Variants in FANCD2 observed in about 807,000 individuals in gnomAD.
The protein encoded by FANCD2 is FA complementation group D2.
Under a neutral mutation model 192.3 loss-of-function variants are expected in FANCD2, and 131 were observed. The observed-to-expected ratio is 0.68, with a 90% CI of 0.59 to 0.79. The LOEUF is 0.79. Among genes scored for constraint, FANCD2 ranks in the 30% least tolerant of loss-of-function variants. The pLI is 0.00. For missense variants in FANCD2, 1,508 were observed against 1,701.6 expected (o/e 0.89, Z 2.00); for synonymous variants, 524 against 612.5 (o/e 0.86, Z 2.13).
chr3:10,039,544 G>A (rs922238847), intron 8 of FANCD2, among the ~76,000 whole-genome samples, 177 bp from the exon 9 acceptor site: 6 of 152,042 alleles, frequency 3.9e-5, no homozygotes, highest in East Asian at 1.9e-4. Context: ...GTTTAAATAC[G>A]AAGAGTAGAT....
intron 26 of FANCD2, among the ~76,000 whole-genome samples, chr3:10,069,791 T>G (rs1693074691): frequency 3.9e-5 from 6 of 152,090 alleles, no homozygotes; most frequent in Admixed American, 3.9e-4. Flanking sequence ...TGGAGTGCAG[T>G]AGCGTGATCT....
At chr3:10,057,792 A>G (rs2087457917) in intron 18 of FANCD2, among the ~76,000 whole-genome samples, 1 of 152,218 alleles carries the variant, frequency 6.6e-6, no homozygotes, top group Admixed American at 6.5e-5. Flanking sequence ...ATTAAAATTA[A>G]AAAAAACAGC....
intron 7 of FANCD2, among the ~76,000 whole-genome samples, chr3:10,037,384 T>C (rs182673490): frequency 7.2e-5 from 11 of 152,286 alleles, no homozygotes; most frequent in Admixed American, 6.6e-4. Context: ...TAGGCATGCT[T>C]GTACGTTGCT....
chr3:10,097,379 C>T (rs1695032807), intron 42 of FANCD2, among the ~76,000 whole-genome samples: 1 of 152,150 alleles, frequency 6.6e-6, no homozygotes, highest in Non-Finnish European at 1.5e-5. Flanking sequence ...CAGTCTCGAC[C>T]ATAAGAGACA....
chr3:10,078,209 CAGA>C lies in FANCD2; in HGVS notation c.2976+15_2976+17del, dbSNP rs747709662. The C allele has an allele frequency of 6.6e-7, 1 of 1,525,422 alleles. No individual in the cohort carries two copies. Among genetic ancestry groups the C allele is most frequent in the South Asian group, 1.1e-5 (1 of 89,308 alleles). The allele number at this position is 1,525,422 out of a possible 1,614,324, so 94.5% of individuals were successfully genotyped here. A position where few individuals can be genotyped will look rare whatever the true frequency, so the allele number is the denominator to read the frequency against. On this transcript the variant is annotated intron_variant, in intron 30 of 43. Coordinates refer to ENST00000675286, the MANE Select transcript of FANCD2 (RefSeq NM_001018115.3). ...TCCCCTTTCTCAAGGTTAGTGTAGGCAGAAGCATAGGACTTGGGCATAGTGGAT... is the reference window on the plus strand; with the variant it reads ...TCCCCTTTCTCAAGGTTAGTGTAGGCAGCATAGGACTTGGGCATAGTGGAT...
intron 38 of FANCD2, among the ~76,000 whole-genome samples, 195 bp downstream of exon 38, chr3:10,092,447 TTTCC>T (rs2125086852): frequency 6.6e-6 from 1 of 151,940 alleles, no homozygotes; most frequent in East Asian, 1.9e-4. Flanking sequence ...TTTTTTGTCT[TTTCC>T]TTCCTTCCTC....
intron 33 of FANCD2, among the ~76,000 whole-genome samples, chr3:10,086,620 T>A (rs1163437457): frequency 1.3e-5 from 2 of 152,134 alleles, no homozygotes; most frequent in Non-Finnish European, 2.9e-5. Context: ...ACGCTGGGAT[T>A]ACAGGCGCAT....
rs776906387 is a variant in FANCD2 at position 10,064,759 on chromosome 3, C to T, written c.2052C>T (p.Tyr684=). Reference sequence around the variant, plus strand: ...TTCCATTTCCTGTGAAAGCACTGTACGGACTGGAAGAATACGACACTCAGG... The same window carrying T: ...TTCCATTTCCTGTGAAAGCACTGTATGGACTGGAAGAATACGACACTCAGG... The part of the protein sequence containing the change: ...GDFPFPVKAL[Y]GLEEYDTQDG... Residue 684 remains tyrosine (Y), a synonymous_variant, in exon 23 of 44, where the codon TAC becomes TAT. Transcript: ENST00000675286. The T allele has an allele frequency of 3.1e-6, 5 of 1,614,026 alleles. No homozygotes were observed. The highest frequency in any genetic ancestry group is 1.7e-5 in the Admixed American group (1 of 60,020).
intron 6 of FANCD2, 113 bp from the exon 7 acceptor site, chr3:10,036,174 C>T: frequency 2.6e-6 from 2 of 779,256 alleles, no homozygotes; most frequent in African/African-American, 1.8e-5. Flanking sequence ...GCAATCTCTG[C>T]CTTCCCCAGG....
At chr3:10,039,693 G>A (rs754681444) in intron 8 of FANCD2, 28 bp from the exon 9 acceptor site, 3 of 1,613,686 alleles carry the variant, frequency 1.9e-6, no homozygotes, top group South Asian at 2.2e-5. Context: ...GTAATGTGCT[G>A]CAGTTCTAAT....
intron 38 of FANCD2, among the ~76,000 whole-genome samples, chr3:10,092,883 G>T (rs1297101565): frequency 1.3e-5 from 2 of 151,474 alleles, no homozygotes; most frequent in Middle Eastern, 3.2e-3. Context: ...GTGGAAACAG[G>T]GTCTCATTCT....
At position 10,034,762 on chromosome 3, in the gene FANCD2, T is replaced by C; in HGVS notation, c.341T>C (p.Leu114Pro). 1.3e-6 allele frequency: 2 copies of C among 1,565,788 alleles called. No individual in the cohort carries two copies. The change falls in exon 5 of 44, where the codon CTT (leucine) becomes CCT (proline). Residue 114 changes from leucine to proline, a missense_variant. Physicochemically the swap from Leu to Pro is moderately conservative, Grantham distance 98 (BLOSUM62 -3). Coordinates refer to ENST00000675286, the MANE Select transcript of FANCD2 (RefSeq NM_001018115.3). ...IEDEDSFRNCLLSCERLQDEE... is the reference protein window; with the variant it reads ...IEDEDSFRNCPLSCERLQDEE... ...GATGAAGACAGTTTCAGGAACTGCC[T>C]TTTGTCTTGTGAGCGTCTGCAGGAT...
intron 30 of FANCD2, among the ~76,000 whole-genome samples, chr3:10,078,751 T>G (rs60370969): frequency 1.3e-4 from 20 of 151,574 alleles, no homozygotes; most frequent in African/African-American, 4.6e-4. Flanking sequence ...ATCACTTGAG[T>G]TCAGGAGTTC....
rs1401934167 is a variant in FANCD2, at chr3:10,062,000, A to G, written c.1767-151A>G. ...TGGGGGAGGGGGGAGGGATAGCATT[A>G]GGAGATATACTTAATGCTAAATGAC... is the stretch of plus-strand genomic sequence containing the variant. On this transcript the variant is annotated intron_variant, in intron 19 of 43. Transcript: ENST00000675286. The G allele has an allele frequency of 1.4e-5, 7 of 517,746 alleles. No homozygotes were observed. In the African/African-American group the frequency reaches 1.4e-4, roughly 10 times the overall value. The allele number at this position is 517,746 out of a possible 1,614,324, so 32.1% of individuals were successfully genotyped here. A position where few individuals can be genotyped will look rare whatever the true frequency, so the allele number is the denominator to read the frequency against.
rs1368840360 is a variant in FANCD2 at position 10,055,819 on chromosome 3, AAAT to A, written c.1656+3331_1656+3333del. The stretch of plus-strand genomic sequence containing the variant: ...AGAGCGAGACTCTGTCTCAAAAAAA[AAAT>A]AATAATAAATAAATAAATAAATAAA... On this transcript the variant is annotated intron_variant, in intron 18 of 43. Transcript: ENST00000675286. 2.6e-5 allele frequency among the ~76,000 whole-genome samples: 4 copies of A among 151,954 alleles called. No homozygotes were observed. The East Asian group carries it at 7.7e-4, about 29-fold the overall frequency.
intron 38 of FANCD2, among the ~76,000 whole-genome samples, 189 bp from the exon 39 acceptor site, chr3:10,093,096 C>T (rs965577348): frequency 1.3e-5 from 2 of 152,176 alleles, no homozygotes; most frequent in African/African-American, 4.8e-5. Flanking sequence ...TTGCTCGTCT[C>T]TTCCTTTTCT....
intron 18 of FANCD2, among the ~76,000 whole-genome samples, 179 bp from the exon 19 acceptor site, chr3:10,060,115 C>T (rs1177301785): frequency 2.0e-5 from 3 of 149,158 alleles, no homozygotes; most frequent in East Asian, 2.0e-4. Context: ...TGCAGTGAGC[C>T]GAGATTGCCC....
rs76702750 is a variant in FANCD2 at position 10,087,284 on chromosome 3, T to C, written c.3466+20T>C. ...AAATTGGTGATGGGCCTAGATCCTT[T>C]TTTTTTTTTTTTTTTTAATGAATAG... On this transcript the variant is annotated intron_variant, in intron 34 of 43. Coordinates refer to ENST00000675286, the MANE Select transcript of FANCD2 (RefSeq NM_001018115.3). 2 of 1,181,226 alleles carry C rather than the reference T, an allele frequency of 1.7e-6. No individual in the cohort carries two copies. Among genetic ancestry groups the C allele is most frequent in the Non-Finnish European group, 2.3e-6 (2 of 880,096 alleles). The allele number at this position is 1,181,226 out of a possible 1,614,324, so 73.2% of individuals were successfully genotyped here. A position where few individuals can be genotyped will look rare whatever the true frequency, so the allele number is the denominator to read the frequency against.
At chr3:10,054,640 C>T (rs1389726188) in intron 18 of FANCD2, among the ~76,000 whole-genome samples, 12 of 148,954 alleles carry the variant, frequency 8.1e-5, no homozygotes, top group East Asian at 2.0e-4. Flanking sequence ...CCCGCCACCA[C>T]GCCCGGCTAA....
Sources: allele counts gnomAD v4.1 joint callset (sites outside exome capture counted in the v4.1 genomes callset), GRCh38; gene constraint gnomAD v4.1.1; transcripts MANE v1.5; gene names NCBI Gene and HGNC (gene_info 2026-07-23, HGNC 2026-07-21).